The following ABLIM3 variants were observed in gnomAD, a reference collection of about 807,000 sequenced individuals.
The protein encoded by ABLIM3 is actin-binding LIM protein 3.
ABLIM3 carries 61 observed loss-of-function variants against 109.5 expected under a neutral mutation model. That is an observed-to-expected ratio of 0.56 (90% CI 0.45 to 0.69). The LOEUF is 0.69. Ranked by LOEUF, ABLIM3 falls within the 30% of genes least tolerant of loss-of-function variation. The probability of loss-of-function intolerance (pLI) is 0.00; values close to 1 mark genes in which losing one functional copy is unlikely to be tolerated. For synonymous variants in ABLIM3, 300 were observed against 324.8 expected (o/e 0.92, Z 0.82); for missense variants, 796 against 889.5 (o/e 0.89, Z 1.34).
intron 5 of ABLIM3, among the ~76,000 whole-genome samples, chr5:149,204,753 C>A (rs1055572940): frequency 6.6e-6 from 1 of 152,234 alleles, no homozygotes; most frequent in Non-Finnish European, 1.5e-5. Flanking sequence ...ATGAGCAAGT[C>A]TGGGCTTAGA....
At chr5:149,170,271 C>CCTCTCTCT (rs143290105) in intron 2 of ABLIM3, among the ~76,000 whole-genome samples, 11 of 107,538 alleles carry the variant, frequency 1.0e-4, no homozygotes, top group African/African-American at 3.4e-4. Context: ...TCTCCTTCTC[C>CCTCTCTCT]CTCTCTCTCT....
rs939973890 is a variant in ABLIM3, at chr5:149,250,485, C to T, written c.1768C>T (p.Arg590Ter). The change falls in exon 20 of 24, where the codon CGA becomes TGA. Residue 590 changes from arginine to a stop codon, truncating the protein, a stop_gained. Coordinates refer to ENST00000309868, the MANE Select transcript of ABLIM3 (RefSeq NM_014945.5). LOFTEE classifies it high-confidence loss of function. ...CAAATCTGCCTCCCTGCCTGCCTACCGAAGAAATGGGCTGCACAGGGTAAG... is the reference window on the plus strand; with the variant it reads ...CAAATCTGCCTCCCTGCCTGCCTACTGAAGAAATGGGCTGCACAGGGTAAG... ...ISKSASLPAYRRNGLHRTPSA... is the reference protein window; with the variant it reads ...ISKSASLPAY The T allele has an allele frequency of 1.2e-5, 20 of 1,614,056 alleles. No homozygotes were observed. The highest frequency in any genetic ancestry group is 1.5e-5 in the Non-Finnish European group (18 of 1,180,042).
rs536285601 is a variant in ABLIM3 at position 149,144,305 on chromosome 5, G to A, written c.13+2197G>A. ...GGACACAGCAAGCACAGAGCTTTGAGGGCTTAACTCCATCATCATGGAGGT... is the reference window on the plus strand; with the variant it reads ...GGACACAGCAAGCACAGAGCTTTGAAGGCTTAACTCCATCATCATGGAGGT... On this transcript the variant is annotated intron_variant, in intron 2 of 23. Coordinates refer to ENST00000309868, the MANE Select transcript of ABLIM3 (RefSeq NM_014945.5). Among the ~76,000 whole-genome samples, 3 of 152,282 alleles carry A rather than the reference G, an allele frequency of 2.0e-5. No individual in the cohort carries two copies. In the South Asian group the frequency reaches 6.2e-4, roughly 32 times the overall value.
chr5:149,211,235 G>A (rs1208642469), intron 7 of ABLIM3, among the ~76,000 whole-genome samples: 1 of 152,100 alleles, frequency 6.6e-6, no homozygotes, highest in Admixed American at 6.6e-5. Flanking sequence ...GAGCCAGCTT[G>A]TCTAGCAGCT....
intron 2 of ABLIM3, among the ~76,000 whole-genome samples, chr5:149,178,169 A>C (rs1004459240): frequency 6.6e-6 from 1 of 152,030 alleles, no homozygotes; most frequent in African/African-American, 2.4e-5. Flanking sequence ...GAAGTACCAG[A>C]TCCTCTCATG....
At chr5:149,201,279 A>T (rs1319466380) in intron 5 of ABLIM3, among the ~76,000 whole-genome samples, 20 of 152,176 alleles carry the variant, frequency 1.3e-4, no homozygotes, top group Admixed American at 1.2e-3. Flanking sequence ...TTGGTAAGCC[A>T]CACTAGGCTC....
At chr5:149,255,228 G>T (rs1001627417) in intron 23 of ABLIM3, among the ~76,000 whole-genome samples, 1 of 152,218 alleles carries the variant, frequency 6.6e-6, no homozygotes, top group Admixed American at 6.5e-5. Flanking sequence ...ACAAGCACTC[G>T]TTTTATGTAC....
At chr5:149,245,498 C>T (rs1398217388) in intron 16 of ABLIM3, among the ~76,000 whole-genome samples, 1 of 152,114 alleles carries the variant, frequency 6.6e-6, no homozygotes, top group East Asian at 1.9e-4. Flanking sequence ...GGAAGAGAAG[C>T]AGTAGAGGTG....
At chr5:149,252,720 C>T in intron 22 of ABLIM3, 37 bp from the exon 23 acceptor site, 1 of 1,540,482 alleles carries the variant, frequency 6.5e-7, no homozygotes, top group Non-Finnish European at 9.0e-7. Context: ...GCCCACCACC[C>T]TCACCCAAGC....
intron 2 of ABLIM3, among the ~76,000 whole-genome samples, chr5:149,143,522 A>C (rs1471825015): frequency 9.2e-4 from 116 of 125,446 alleles, no homozygotes; most frequent in Admixed American, 2.1e-3. Context: ...ACCCCACCCC[A>C]CCCCCACCTC....
chr5:149,176,321 CATT>C (rs1240819677), intron 2 of ABLIM3, among the ~76,000 whole-genome samples: 1 of 152,192 alleles, frequency 6.6e-6, no homozygotes, highest in African/African-American at 2.4e-5. Context: ...CACCTCCAAT[CATT>C]ATTTTTACAT....
intron 18 of ABLIM3, 109 bp downstream of exon 18, chr5:149,248,038 C>A (rs557938506): frequency 2.5e-5 from 33 of 1,327,760 alleles, no homozygotes; most frequent in Admixed American, 2.0e-4. Context: ...ACAGCCCATG[C>A]ATCCTCTCTC....
intron 17 of ABLIM3, 102 bp downstream of exon 17, chr5:149,246,648 T>C (rs1753391586): frequency 1.5e-6 from 2 of 1,290,906 alleles, no homozygotes; most frequent in Non-Finnish European, 2.1e-6. Context: ...CCACTTATGA[T>C]AGAAAAAAGA....
At position 149,259,939 on chromosome 5, in the gene ABLIM3, G is replaced by A. The variant is rs769165733; in HGVS notation, c.*1535G>A. The A allele has an allele frequency of 8.0e-6, 2 of 251,006 alleles. No individual in the cohort carries two copies. The highest frequency in any genetic ancestry group is 1.5e-5 in the Non-Finnish European group (2 of 129,548). The allele number at this position is 251,006 out of a possible 1,614,324, so 15.5% of individuals were successfully genotyped here. ...GAGCACTGAATGGGGGAGGGGGAGG[G>A]GAGCACGGGGTGAGTCAACCTGGGA... On this transcript the variant is annotated 3_prime_UTR_variant, in exon 24 of 24. Transcript: ENST00000309868.
chr5:149,211,142 T>TTTTA (rs558382170), intron 7 of ABLIM3, among the ~76,000 whole-genome samples: 2,069 of 138,694 alleles, frequency 0.015, 69 homozygotes, highest in East Asian at 0.13. Flanking sequence ...AGGAAGTCTT[T>TTTTA]TTTATTTATT....
chr5:149,155,205 T>C (rs2127439003), intron 2 of ABLIM3, among the ~76,000 whole-genome samples: 1 of 152,328 alleles, frequency 6.6e-6, no homozygotes, highest in Non-Finnish European at 1.5e-5. Flanking sequence ...ACCATCTTTT[T>C]GTATTTTTAC....
At chr5:149,237,349 G>A in intron 10 of ABLIM3, 99 bp from the exon 11 acceptor site, 4 of 1,247,162 alleles carry the variant, frequency 3.2e-6, no homozygotes, top group South Asian at 1.4e-5. Flanking sequence ...GGAAACTGGA[G>A]AAGTTTGTTC....
intron 2 of ABLIM3, among the ~76,000 whole-genome samples, chr5:149,168,275 T>C (rs1755012584): frequency 6.6e-6 from 1 of 152,128 alleles, no homozygotes; most frequent in South Asian, 2.1e-4. Flanking sequence ...GCTCAAGCGC[T>C]CTGTAAGGGA....
At chr5:149,169,785 C>T (rs9325133) in intron 2 of ABLIM3, among the ~76,000 whole-genome samples, 13,561 of 152,164 alleles carry the variant, frequency 0.089, 1,620 homozygotes, top group African/African-American at 0.27. Context: ...ACCTGGTTCA[C>T]CATTCTATCT....
Sources: gnomAD v4.1 joint callset for allele counts (sites outside exome capture counted in the v4.1 genomes callset) on GRCh38, gnomAD v4.1.1 for gene constraint, MANE v1.5 for transcripts, NCBI Gene and HGNC (gene_info 2026-07-23, HGNC 2026-07-21) for gene names.